AEBP2: variants seen among roughly 807,000 people sequenced by gnomAD.
AEBP2 encodes the protein zinc finger protein AEBP2.
A neutral mutation model predicts 50.8 loss-of-function variants in AEBP2; 10 were observed. The ratio of observed to expected loss-of-function variants is 0.20; its 90% CI spans 0.12 to 0.33. The LOEUF is 0.33. AEBP2 is among the 10% of genes least tolerant of loss of function. The pLI, the probability that AEBP2 is intolerant of heterozygous loss-of-function variation, is 1.00. For missense variants in AEBP2, 570 were observed against 688.0 expected (o/e 0.83, Z 1.92); for synonymous variants, 296 against 261.3 (o/e 1.13, Z -1.28).
At position 19,483,625 on chromosome 12, in the gene AEBP2, C is replaced by T. The variant is rs1336540043; in HGVS notation, c.988-10175C>T. Among the ~76,000 whole-genome samples, 5 of 152,206 alleles carry T rather than the reference C, an allele frequency of 3.3e-5. No homozygotes were observed. In the South Asian group the frequency reaches 8.3e-4, roughly 25 times the overall value. ...TCTCCTATCTCCATCTTCCTCCTCCCGATTGTACCTTGCTTTTTGAATATA... is the reference window on the plus strand; with the variant it reads ...TCTCCTATCTCCATCTTCCTCCTCCTGATTGTACCTTGCTTTTTGAATATA... On this transcript the variant is annotated intron_variant, in intron 3 of 7. Coordinates refer to ENST00000266508, the MANE Select transcript of AEBP2 (RefSeq NM_153207.5).
chr12:19,430,291 T>C (rs1478408963), intron 1 of AEBP2, among the ~76,000 whole-genome samples: 1 of 152,198 alleles, frequency 6.6e-6, no homozygotes, highest in African/African-American at 2.4e-5. Context: ...GTTGTAGATA[T>C]GTGGCATTAT....
chr12:19,456,519 A>G (rs1948272189), intron 1 of AEBP2: 2 of 1,519,440 alleles, frequency 1.3e-6, no homozygotes, highest in Non-Finnish European at 1.8e-6. Context: ...CAGCTCAGCA[A>G]ACTTGCATGC....
At chr12:19,427,443 GC>G (rs1416604420) in intron 1 of AEBP2, among the ~76,000 whole-genome samples, 2 of 149,764 alleles carry the variant, frequency 1.3e-5, no homozygotes, top group Non-Finnish European at 2.9e-5. Context: ...GGTGTGACAT[GC>G]ATCTTCTCCT....
chr12:19,435,280 A>ATTTT (rs35017794), upstream of AEBP2, among the ~76,000 whole-genome samples: 7 of 142,892 alleles, frequency 4.9e-5, no homozygotes, highest in Non-Finnish European at 3.0e-5. Context: ...TGACTGGCTA[A>ATTTT]TTTTTTTTTT....
chr12:19,483,662 G>C (rs1373994898), intron 3 of AEBP2, among the ~76,000 whole-genome samples: 2 of 152,016 alleles, frequency 1.3e-5, no homozygotes, highest in African/African-American at 4.8e-5. Flanking sequence ...TTTATGCTGG[G>C]ATCTTTTCAT....
chr12:19,475,569 A>G (rs1348085278), intron 3 of AEBP2, among the ~76,000 whole-genome samples: 2 of 152,172 alleles, frequency 1.3e-5, no homozygotes, highest in Non-Finnish European at 2.9e-5. Context: ...GTAGTCATTC[A>G]TATAATGACT....
rs1443131363 is a variant in AEBP2, at chr12:19,439,705, C to T, written c.6C>T (p.Ala2=). Residue 2 remains alanine, a synonymous_variant, in exon 1 of 8, where the codon GCC becomes GCT. Transcript: ENST00000266508. ...GAGGAGGAGCAGGCGCCGCCATGGC[C>T]GCCGCTATCACCGACATGGCCGACC... M[A]AAITDMADLE... 2 of 1,514,934 alleles carry T rather than the reference C, an allele frequency of 1.3e-6. No homozygotes were observed. The highest frequency in any genetic ancestry group is 1.8e-6 in the Non-Finnish European group (2 of 1,138,512). 93.8% of individuals were successfully genotyped at this position (1,514,934 alleles called of 1,614,324 possible).
chr12:19,436,558 G>C (rs1947863401), upstream of AEBP2, among the ~76,000 whole-genome samples: 1 of 149,368 alleles, frequency 6.7e-6, no homozygotes, highest in Admixed American at 6.8e-5. Flanking sequence ...GTAACACTTT[G>C]TGTTTTCTTT....
chr12:19,469,890 C>A (rs777262593), intron 2 of AEBP2, among the ~76,000 whole-genome samples: 1 of 152,142 alleles, frequency 6.6e-6, no homozygotes, highest in Non-Finnish European at 1.5e-5. Flanking sequence ...AGAACCATGG[C>A]AAATTATATT....
intron 3 of AEBP2, among the ~76,000 whole-genome samples, chr12:19,479,981 T>C (rs1482897895): frequency 6.6e-6 from 1 of 152,090 alleles, no homozygotes; most frequent in African/African-American, 2.4e-5. Flanking sequence ...ACATTCGGTG[T>C]TAGTATTGAG....
intron 3 of AEBP2, among the ~76,000 whole-genome samples, chr12:19,489,765 T>A (rs929141417): frequency 1.1e-4 from 16 of 152,268 alleles, no homozygotes; most frequent in Non-Finnish European, 1.3e-4. Flanking sequence ...TGCCTAAAAT[T>A]ATTTTTTCCT....
chr12:19,468,814 C>T (rs1188015218), intron 2 of AEBP2, among the ~76,000 whole-genome samples: 1 of 152,204 alleles, frequency 6.6e-6, no homozygotes, highest in African/African-American at 2.4e-5. Flanking sequence ...GACAGAAACT[C>T]AGTACTTTGT....
At chr12:19,449,244 G>A (rs1161500033) in intron 1 of AEBP2, among the ~76,000 whole-genome samples, 3 of 151,832 alleles carry the variant, frequency 2.0e-5, no homozygotes, top group Non-Finnish European at 4.4e-5. Flanking sequence ...TTAAATGGGG[G>A]GTGTTCTTCA....
chr12:19,423,383 C>T (rs566217950), intron 1 of AEBP2, among the ~76,000 whole-genome samples: 25 of 152,238 alleles, frequency 1.6e-4, no homozygotes, highest in Admixed American at 6.5e-4. Flanking sequence ...ACTGCAGCCA[C>T]GTCAGAGTGA....
At chr12:19,447,350 A>T (rs1008318370) in intron 1 of AEBP2, among the ~76,000 whole-genome samples, 1 of 152,186 alleles carries the variant, frequency 6.6e-6, no homozygotes, top group Non-Finnish European at 1.5e-5. Context: ...CCTCACCCCA[A>T]TATGGGTAAT....
intron 1 of AEBP2, among the ~76,000 whole-genome samples, chr12:19,412,318 G>A (rs889207198): frequency 1.3e-5 from 2 of 151,272 alleles, no homozygotes; most frequent in African/African-American, 4.9e-5. Context: ...TTGTGCTATC[G>A]CCAGGCTGGA....
At chr12:19,428,639 C>T (rs888952186) in intron 1 of AEBP2, among the ~76,000 whole-genome samples, 2 of 152,228 alleles carry the variant, frequency 1.3e-5, no homozygotes, top group Non-Finnish European at 2.9e-5. Context: ...TAGTGAAACG[C>T]TGTCTCTACT....
rs182244667 is a variant in AEBP2, at chr12:19,453,039, G to A, written c.672-9471G>A. ...GGAATGCAGTAGTAGCATGATCTCG[G>A]CTCATTGCAAGCTCCGCCTCCCAGG... On this transcript the variant is annotated intron_variant, in intron 1 of 7. Coordinates refer to ENST00000266508, the MANE Select transcript of AEBP2 (RefSeq NM_153207.5). 6.0e-3 allele frequency among the ~76,000 whole-genome samples: 889 copies of A among 148,956 alleles called. 6 individuals carry two copies. Among genetic ancestry groups the A allele is most frequent in the Middle Eastern group, 0.032 (9 of 278 alleles).
chr12:19,416,870 C>T (rs1348189648), intron 1 of AEBP2, among the ~76,000 whole-genome samples: 1 of 64,648 alleles, frequency 1.5e-5, no homozygotes, highest in African/African-American at 7.5e-5. Flanking sequence ...CTGTTCTTTT[C>T]TTTTTTCTTT....
Sources: allele counts gnomAD v4.1 joint callset (sites outside exome capture counted in the v4.1 genomes callset), GRCh38; gene constraint gnomAD v4.1.1; transcripts MANE v1.5; gene names NCBI Gene and HGNC (gene_info 2026-07-23, HGNC 2026-07-21).